The following IPCEF1 variants were observed in gnomAD, a reference collection of about 807,000 sequenced individuals.
IPCEF1 encodes interaction protein for cytohesin exchange factors 1.
In IPCEF1, 31 loss-of-function variants were observed where a neutral mutation model predicts 50.9. The ratio of observed to expected loss-of-function variants is 0.61; its 90% CI spans 0.46 to 0.82. The LOEUF (loss-of-function observed/expected upper bound fraction) is 0.82. Ranked by LOEUF, IPCEF1 falls within the 40% of genes least tolerant of loss-of-function variation. The pLI, the probability that IPCEF1 is intolerant of heterozygous loss-of-function variation, is 0.00. For missense variants in IPCEF1, 458 were observed against 514.0 expected (o/e 0.89, Z 1.05); for synonymous variants, 181 against 192.0 (o/e 0.94, Z 0.47).
At chr6:154,211,288 C>G (rs1416185473) in intron 9 of IPCEF1, among the ~76,000 whole-genome samples, 1 of 151,926 alleles carries the variant, frequency 6.6e-6, no homozygotes, top group Non-Finnish European at 1.5e-5. Flanking sequence ...AGGTGGCGAG[C>G]ACCCCAGCTA....
chr6:154,198,828 T>G (rs1776843778), intron 10 of IPCEF1, among the ~76,000 whole-genome samples: 1 of 152,162 alleles, frequency 6.6e-6, no homozygotes, highest in Admixed American at 6.5e-5. Context: ...GGCAAGTGAT[T>G]ATGAGAATTT....
At chr6:154,270,790 A>G (rs1354200655) in intron 2 of IPCEF1, among the ~76,000 whole-genome samples, 1 of 152,118 alleles carries the variant, frequency 6.6e-6, no homozygotes. Flanking sequence ...AGCCTGGCCA[A>G]CATAGTGAAA....
chr6:154,293,452 A>G (rs1782561725), intron 1 of IPCEF1, among the ~76,000 whole-genome samples: 1 of 152,264 alleles, frequency 6.6e-6, no homozygotes, highest in South Asian at 2.1e-4. Flanking sequence ...CTAAGATAAC[A>G]GATCAAGATC....
chr6:154,284,887 C>T (rs1171525953), intron 2 of IPCEF1, among the ~76,000 whole-genome samples: 4 of 152,108 alleles, frequency 2.6e-5, no homozygotes, highest in African/African-American at 7.2e-5. Context: ...GTAGTCCCAG[C>T]TACTCGGGAG....
At chr6:154,244,301 G>GGTAT (rs1554298353) in intron 5 of IPCEF1, among the ~76,000 whole-genome samples, 1 of 147,960 alleles carries the variant, frequency 6.8e-6, no homozygotes, top group Non-Finnish European at 1.5e-5. Flanking sequence ...TGTGTGGGTG[G>GGTAT]GTGTGTGTGT....
At chr6:154,242,743 G>T (rs1000360897) in intron 5 of IPCEF1, among the ~76,000 whole-genome samples, 1 of 151,834 alleles carries the variant, frequency 6.6e-6, no homozygotes, top group African/African-American at 2.4e-5. Flanking sequence ...AAAAATTAGC[G>T]GGGCATGGTG....
At chr6:154,229,305 G>T in intron 5 of IPCEF1, among the ~76,000 whole-genome samples, 1 of 148,722 alleles carries the variant, frequency 6.7e-6, no homozygotes, top group Non-Finnish European at 1.5e-5. Context: ...ACAATAAAGT[G>T]TTAAAATGAG....
In IPCEF1 at chr6:154,214,293, A is replaced by G. The variant is rs756461283; in HGVS notation, c.393-17T>C. The G allele has an allele frequency of 4.4e-6, 7 of 1,592,428 alleles. No homozygotes were observed. The highest frequency in any genetic ancestry group is 6.0e-6 in the Non-Finnish European group (7 of 1,160,364). On this transcript the variant is annotated splice_polypyrimidine_tract_variant and intron_variant, in intron 7 of 11. Transcript: ENST00000367220. Reference sequence around the variant, plus strand: ...TTTAACCACCTAAAATTCAAATAGAAAGCAAATGTTGACCAAAGAGATTAG... The same window carrying G: ...TTTAACCACCTAAAATTCAAATAGAGAGCAAATGTTGACCAAAGAGATTAG...
rs547206556 is a variant in IPCEF1 at position 154,233,875 on chromosome 6, C to T, written c.247-10632G>A. Among the ~76,000 whole-genome samples the T allele has an allele frequency of 3.9e-5, 6 of 152,262 alleles. No homozygotes were observed. The South Asian group carries it at 6.2e-4, about 16-fold the overall frequency. ...TCCTCGGAGATCACTGCTCCTGGGA[C>T]GAGCTCTCAACCAGCAACGAATGGG... On this transcript the variant is annotated intron_variant, in intron 5 of 11. Coordinates refer to ENST00000367220, the MANE Select transcript of IPCEF1 (RefSeq NM_001130700.2).
At chr6:154,259,008 TG>T (rs1781529497) in intron 3 of IPCEF1, among the ~76,000 whole-genome samples, 1 of 152,226 alleles carries the variant, frequency 6.6e-6, no homozygotes, top group South Asian at 2.1e-4. Context: ...TGGCAGATAG[TG>T]GAACTTTGAC....
intron 2 of IPCEF1, among the ~76,000 whole-genome samples, chr6:154,287,804 T>C (rs1211807641): frequency 6.6e-6 from 1 of 152,202 alleles, no homozygotes; most frequent in Non-Finnish European, 1.5e-5. Context: ...CTTTTGAAGA[T>C]AGTAAAATCA....
At chr6:154,185,029 T>C (rs1482283803) in intron 10 of IPCEF1, among the ~76,000 whole-genome samples, 1 of 152,180 alleles carries the variant, frequency 6.6e-6, no homozygotes, top group Non-Finnish European at 1.5e-5. Context: ...AAAAAAATCA[T>C]CCTAAAGATT....
intron 5 of IPCEF1, among the ~76,000 whole-genome samples, chr6:154,246,313 T>A (rs1781038851): frequency 6.6e-6 from 1 of 152,178 alleles, no homozygotes; most frequent in Non-Finnish European, 1.5e-5. Context: ...GTAACATTAA[T>A]AACAGAACTT....
At chr6:154,246,453 G>C in intron 5 of IPCEF1, 138 bp downstream of exon 5, 1 of 975,368 alleles carries the variant, frequency 1.0e-6, no homozygotes, top group Non-Finnish European at 1.5e-6. Context: ...ACCAGAAATG[G>C]CTTCTATAAC....
intron 5 of IPCEF1, among the ~76,000 whole-genome samples, chr6:154,243,456 G>A (rs572977050): frequency 4.3e-4 from 66 of 152,302 alleles, no homozygotes; most frequent in African/African-American, 1.4e-3. Flanking sequence ...GCAACGTGTG[G>A]TGAAAGAAAA....
intron 10 of IPCEF1, among the ~76,000 whole-genome samples, chr6:154,194,547 A>G (rs1776432921): frequency 6.6e-6 from 1 of 152,028 alleles, no homozygotes; most frequent in Non-Finnish European, 1.5e-5. Context: ...CTTCTTTCAA[A>G]CTGTCATCGC....
chr6:154,192,457 AATG>A (rs1207595542), intron 10 of IPCEF1, among the ~76,000 whole-genome samples: 4 of 152,188 alleles, frequency 2.6e-5, no homozygotes, highest in African/African-American at 9.7e-5. Flanking sequence ...AAACAGAAGA[AATG>A]ATGAAGCATA....
chr6:154,213,046 G>A (rs184346015), intron 8 of IPCEF1, 191 bp from the exon 9 acceptor site: 27 of 566,276 alleles, frequency 4.8e-5, no homozygotes, highest in Middle Eastern at 9.4e-4. Context: ...TGGCCAATTC[G>A]GGGCTCCTGA....
chr6:154,248,315 G>A (rs1230816867), intron 3 of IPCEF1, among the ~76,000 whole-genome samples: 2 of 151,490 alleles, frequency 1.3e-5, no homozygotes, highest in Middle Eastern at 3.2e-3. Flanking sequence ...ACGTGTGTGT[G>A]TGTGTGTGTG....
Sources: allele counts gnomAD v4.1 joint callset (sites outside exome capture counted in the v4.1 genomes callset), GRCh38; gene constraint gnomAD v4.1.1; transcripts MANE v1.5; gene names NCBI Gene and HGNC (gene_info 2026-07-23, HGNC 2026-07-21).